PGBD5: variants seen among roughly 807,000 people sequenced by gnomAD.
PGBD5 encodes piggyBac transposable element derived 5, also known as piggyBac transposable element-derived protein 5.
Under a neutral mutation model 47.9 loss-of-function variants are expected in PGBD5, and 14 were observed. The observed-to-expected ratio is 0.29, with a 90% confidence interval of 0.19 to 0.46. PGBD5 has a LOEUF of 0.46. Among genes scored for constraint, PGBD5 ranks in the 20% least tolerant of loss-of-function variants. The pLI is 1.00. For synonymous variants in PGBD5, 316 were observed against 306.3 expected (o/e 1.03, Z -0.33); for missense variants, 635 against 716.0 (o/e 0.89, Z 1.29).
At chr1:230,324,129 C>G (rs148277275) in intron 6 of PGBD5, among the ~76,000 whole-genome samples, 1 of 152,372 alleles carries the variant, frequency 6.6e-6, no homozygotes, top group East Asian at 1.9e-4. Flanking sequence ...GAAGCCCACC[C>G]AGACCCTGAG....
intron 1 of PGBD5, among the ~76,000 whole-genome samples, chr1:230,398,436 G>A (rs1657053647): frequency 1.3e-5 from 2 of 152,128 alleles, no homozygotes; most frequent in Admixed American, 1.3e-4. Flanking sequence ...GATTGGATTA[G>A]GGCCCACCCA....
chr1:230,376,711 G>C (rs1036847792), intron 1 of PGBD5, among the ~76,000 whole-genome samples: 1 of 152,156 alleles, frequency 6.6e-6, no homozygotes, highest in African/African-American at 2.4e-5. Flanking sequence ...TGCTGTGCCC[G>C]AGGTCTGGGG....
At chr1:230,418,436 C>G (rs1657573721) in intron 1 of PGBD5, among the ~76,000 whole-genome samples, 1 of 152,144 alleles carries the variant, frequency 6.6e-6, no homozygotes, top group Non-Finnish European at 1.5e-5. Flanking sequence ...TAATGGCTAC[C>G]TCTGGGGACA....
chr1:230,412,178 T>C (rs1367384419), intron 1 of PGBD5, among the ~76,000 whole-genome samples: 2 of 152,192 alleles, frequency 1.3e-5, no homozygotes, highest in Admixed American at 1.3e-4. Context: ...TATAATATTA[T>C]ATTAATGCTT....
At chr1:230,342,705 T>C (rs887141077) in intron 3 of PGBD5, among the ~76,000 whole-genome samples, 3 of 152,226 alleles carry the variant, frequency 2.0e-5, no homozygotes, top group African/African-American at 7.2e-5. Flanking sequence ...TGAGCCTTGC[T>C]TTCCTTATCT....
rs542253747 is a variant in PGBD5, at chr1:230,325,430, C to T, written c.1274-15G>A. ...GATGATGACTCCTGAAGGCGAGAGACAAGATAAGCCCCTTCCTCAGCACCT... is the reference window on the plus strand; with the variant it reads ...GATGATGACTCCTGAAGGCGAGAGATAAGATAAGCCCCTTCCTCAGCACCT... On this transcript the variant is annotated splice_polypyrimidine_tract_variant and intron_variant, in intron 5 of 6. Coordinates refer to ENST00000391860, the MANE Select transcript of PGBD5 (RefSeq NM_001258311.2). The T allele has an allele frequency of 1.0e-5, 16 of 1,588,140 alleles. No homozygotes were observed. In the South Asian group the frequency reaches 1.7e-4, roughly 17 times the overall value.
intron 5 of PGBD5, among the ~76,000 whole-genome samples, chr1:230,329,834 G>C (rs977627293): frequency 1.3e-5 from 2 of 152,212 alleles, no homozygotes; most frequent in African/African-American, 4.8e-5. Context: ...ATTTGAAGTG[G>C]ATTATGGTAA....
intron 1 of PGBD5, among the ~76,000 whole-genome samples, chr1:230,423,251 A>G (rs1657699504): frequency 6.6e-6 from 1 of 152,162 alleles, no homozygotes; most frequent in Admixed American, 6.5e-5. Context: ...TAAATTTTCC[A>G]TTATAAAGCC....
chr1:230,390,778 A>G (rs956096926), intron 1 of PGBD5, among the ~76,000 whole-genome samples: 2 of 151,954 alleles, frequency 1.3e-5, no homozygotes, highest in Admixed American at 6.6e-5. Context: ...TGGAGTCTCA[A>G]AAAAAGGCTG....
chr1:230,386,943 G>A (rs1466742781), intron 1 of PGBD5, among the ~76,000 whole-genome samples: 2 of 152,094 alleles, frequency 1.3e-5, no homozygotes, highest in Non-Finnish European at 2.9e-5. Flanking sequence ...AAATAGCATC[G>A]CTTGTGGAAG....
chr1:230,383,367 ATTT>A (rs113475166), intron 1 of PGBD5, among the ~76,000 whole-genome samples: 2 of 148,730 alleles, frequency 1.3e-5, no homozygotes, highest in African/African-American at 5.0e-5. Flanking sequence ...CATGCCCAGC[ATTT>A]TTTTTTTAAT....
At chr1:230,412,331 T>C (rs963526258) in intron 1 of PGBD5, among the ~76,000 whole-genome samples, 1 of 151,022 alleles carries the variant, frequency 6.6e-6, no homozygotes, top group Non-Finnish European at 1.5e-5. Flanking sequence ...AAGAAAATCA[T>C]AAGGCAGAAA....
chr1:230,362,445 T>A, intron 1 of PGBD5: 2 of 1,262,032 alleles, frequency 1.6e-6, no homozygotes, highest in Non-Finnish European at 2.1e-6. Flanking sequence ...TGGCAAGCTC[T>A]TTCCCGCCTC....
intron 1 of PGBD5, among the ~76,000 whole-genome samples, chr1:230,413,070 A>T (rs1657447044): frequency 6.6e-6 from 1 of 150,548 alleles, no homozygotes; most frequent in Admixed American, 6.6e-5. Flanking sequence ...ATTATAACAA[A>T]AAGACATTAT....
rs995819297 is a variant in PGBD5, at chr1:230,323,145, C to T, written c.*280G>A. On this transcript the variant is annotated 3_prime_UTR_variant, in exon 7 of 7. Coordinates refer to ENST00000391860, the MANE Select transcript of PGBD5 (RefSeq NM_001258311.2). This position sits in a 1 kb window ranked among gnomAD's most constrained non-coding sequence, Gnocchi z 4.1. The stretch of plus-strand genomic sequence containing the variant: ...AGTCCACGCTGCCTCGCAAGCTCCA[C>T]GGATGTCATGAGAGAATCTGCCCTT... 6.3e-5 allele frequency: 27 copies of T among 426,598 alleles called. No homozygotes were observed. The highest frequency in any genetic ancestry group is 1.1e-4 in the Non-Finnish European group (26 of 237,082). The allele number at this position is 426,598 out of a possible 1,614,324, so 26.4% of individuals were successfully genotyped here.
At chr1:230,411,350 A>G (rs1657404303) in intron 1 of PGBD5, among the ~76,000 whole-genome samples, 1 of 152,236 alleles carries the variant, frequency 6.6e-6, no homozygotes, top group South Asian at 2.1e-4. Context: ...GATTGAGAGC[A>G]GGTATAAAAA....
intron 5 of PGBD5, 58 bp from the exon 6 acceptor site, chr1:230,325,473 A>G: frequency 8.1e-7 from 1 of 1,229,930 alleles, no homozygotes. Context: ...ATGCCACTTT[A>G]TAAATGTGCC....
chr1:230,347,409 C>G (rs976358303), intron 3 of PGBD5, among the ~76,000 whole-genome samples: 2 of 152,106 alleles, frequency 1.3e-5, no homozygotes, highest in African/African-American at 4.8e-5. Flanking sequence ...GCTGCTAAAG[C>G]CCAAAGGCCT....
At chr1:230,414,737 C>G (rs1463533726) in intron 1 of PGBD5, among the ~76,000 whole-genome samples, 3 of 152,170 alleles carry the variant, frequency 2.0e-5, no homozygotes, top group Non-Finnish European at 4.4e-5. Flanking sequence ...AAAGAGCAAA[C>G]CAAATAGGAC....
Sources: allele counts gnomAD v4.1 joint callset (sites outside exome capture counted in the v4.1 genomes callset), GRCh38; gene constraint gnomAD v4.1.1; non-coding constraint Gnocchi (gnomAD v3.1); transcripts MANE v1.5; gene names NCBI Gene and HGNC (gene_info 2026-07-23, HGNC 2026-07-21).